GPR137C: variants seen among roughly 807,000 people sequenced by gnomAD.
GPR137C encodes integral membrane protein GPR137C.
Under a neutral mutation model 43.4 loss-of-function variants are expected in GPR137C, and 27 were observed. That is an observed-to-expected ratio of 0.62 (90% CI 0.46 to 0.86). The LOEUF (loss-of-function observed/expected upper bound fraction) is 0.86, where lower values mean the gene tolerates loss of function less well. Among genes scored for constraint, GPR137C ranks in the 40% least tolerant of loss-of-function variants. The pLI is 0.00. For synonymous variants in GPR137C, 285 were observed against 226.9 expected (o/e 1.26, Z -2.30); for missense variants, 522 against 534.6 (o/e 0.98, Z 0.23).
intron 3 of GPR137C, chr14:52,612,448 G>A: frequency 1.0e-6 from 1 of 983,246 alleles, no homozygotes; most frequent in Non-Finnish European, 1.2e-6. Context: ...AATCAGTTTT[G>A]TTTTGCTTTT....
chr14:52,567,255 A>G (rs2038385181), intron 1 of GPR137C, among the ~76,000 whole-genome samples: 1 of 152,206 alleles, frequency 6.6e-6, no homozygotes, highest in Non-Finnish European at 1.5e-5. Flanking sequence ...TACCTACCTC[A>G]TGGGGTTGTG....
chr14:52,566,443 G>C (rs2139447743), intron 1 of GPR137C, among the ~76,000 whole-genome samples: 1 of 152,212 alleles, frequency 6.6e-6, no homozygotes, highest in Middle Eastern at 3.4e-3. Flanking sequence ...TTGTTTCATT[G>C]GTCAGGAGCC....
chr14:52,581,069 G>T (rs1198312360), intron 1 of GPR137C, among the ~76,000 whole-genome samples: 1 of 151,214 alleles, frequency 6.6e-6, no homozygotes, highest in Non-Finnish European at 1.5e-5. Context: ...GGTGGCAGAT[G>T]CCTGTAATCT....
intron 1 of GPR137C, among the ~76,000 whole-genome samples, chr14:52,596,056 T>C (rs1223882975): frequency 1.3e-5 from 2 of 152,234 alleles, no homozygotes; most frequent in Non-Finnish European, 2.9e-5. Flanking sequence ...TTTATTAGTT[T>C]TCCTTCTAAC....
chr14:52,595,187 C>T (rs1341688267), intron 1 of GPR137C, among the ~76,000 whole-genome samples: 5 of 152,156 alleles, frequency 3.3e-5, no homozygotes, highest in Non-Finnish European at 5.9e-5. Context: ...CGAGAGATCC[C>T]CTGTTAGTCT....
At chr14:52,554,467 A>G (rs941710579) in intron 1 of GPR137C, among the ~76,000 whole-genome samples, 7 of 152,240 alleles carry the variant, frequency 4.6e-5, no homozygotes, top group African/African-American at 1.7e-4. Flanking sequence ...GACCCATTTC[A>G]AACAGGTTTG....
chr14:52,574,645 T>G (rs111313835), intron 1 of GPR137C, among the ~76,000 whole-genome samples: 162 of 152,176 alleles, frequency 1.1e-3, no homozygotes, highest in African/African-American at 3.7e-3. Context: ...CAAACCACCA[T>G]GGCACATGTA....
At chr14:52,596,271 C>T (rs574658578) in intron 1 of GPR137C, among the ~76,000 whole-genome samples, 9 of 152,318 alleles carry the variant, frequency 5.9e-5, no homozygotes, top group South Asian at 2.1e-4. Flanking sequence ...TCAGGCTACA[C>T]GGGTCAGGGA....
intron 3 of GPR137C, among the ~76,000 whole-genome samples, chr14:52,624,509 A>G (rs1465506110): frequency 1.3e-5 from 2 of 152,060 alleles, no homozygotes; most frequent in Non-Finnish European, 2.9e-5. Context: ...AGACAGTTTG[A>G]ACTCAGGATT....
chr14:52,561,810 A>G (rs1490203692), intron 1 of GPR137C, among the ~76,000 whole-genome samples: 1 of 152,170 alleles, frequency 6.6e-6, no homozygotes, highest in East Asian at 1.9e-4. Context: ...CTAGTTTCCT[A>G]GGGTCTGGAG....
Position 52,633,675 on chromosome 14 carries a change from A to T in GPR137C, c.993+20A>T. On this transcript the variant is annotated intron_variant, in intron 5 of 6. Coordinates refer to ENST00000321662, the MANE Select transcript of GPR137C (RefSeq NM_001099652.2). ...AATTTGGTATGATATAATATTCCCC[A>T]ATGCCTGTTCTCCTATTTTTAAAAA... The T allele has an allele frequency of 6.2e-7, 1 of 1,610,482 alleles. No homozygotes were observed. Among genetic ancestry groups the T allele is most frequent in the East Asian group, 2.2e-5 (1 of 44,838 alleles).
chr14:52,555,417 C>T (rs1298248086), intron 1 of GPR137C, among the ~76,000 whole-genome samples: 2 of 152,126 alleles, frequency 1.3e-5, no homozygotes, highest in East Asian at 3.8e-4. Flanking sequence ...AAAGCATTTT[C>T]CGTGTCCCAG....
chr14:52,592,055 T>C (rs547818000), intron 1 of GPR137C, among the ~76,000 whole-genome samples: 2 of 152,342 alleles, frequency 1.3e-5, no homozygotes, highest in South Asian at 4.1e-4. Context: ...CTAGCCAGTT[T>C]TCCCAGCACC....
chr14:52,560,543 CT>C (rs1243477036), intron 1 of GPR137C, among the ~76,000 whole-genome samples: 6 of 152,086 alleles, frequency 3.9e-5, no homozygotes, highest in African/African-American at 1.4e-4. Flanking sequence ...GAGTGTAATG[CT>C]GGGGAAAAGA....
intron 3 of GPR137C, among the ~76,000 whole-genome samples, chr14:52,609,284 T>C (rs1217724900): frequency 6.6e-6 from 1 of 152,224 alleles, no homozygotes; most frequent in Non-Finnish European, 1.5e-5. Flanking sequence ...ATCTCTATAT[T>C]AAATTTCTTT....
At chr14:52,568,586 T>C (rs1203354780) in intron 1 of GPR137C, among the ~76,000 whole-genome samples, 2 of 152,074 alleles carry the variant, frequency 1.3e-5, no homozygotes, top group East Asian at 3.9e-4. Flanking sequence ...CAGCGAGACC[T>C]GAGACACTGG....
intron 1 of GPR137C, among the ~76,000 whole-genome samples, chr14:52,588,032 C>T (rs920090804): frequency 6.6e-6 from 1 of 152,172 alleles, no homozygotes; most frequent in South Asian, 2.1e-4. Flanking sequence ...AAGATATTTA[C>T]ATCATCTCTA....
intron 1 of GPR137C, among the ~76,000 whole-genome samples, chr14:52,591,776 G>T (rs184633650): frequency 6.6e-6 from 1 of 152,190 alleles, no homozygotes; most frequent in Non-Finnish European, 1.5e-5. Context: ...TATGTAGGTC[G>T]CCTGTTCACT....
At chr14:52,587,100 A>G (rs1036805107) in intron 1 of GPR137C, among the ~76,000 whole-genome samples, 1 of 152,034 alleles carries the variant, frequency 6.6e-6, no homozygotes, top group Non-Finnish European at 1.5e-5. Context: ...CCCACACACC[A>G]CCACCACACG....
Sources: gnomAD v4.1 joint callset for allele counts (sites outside exome capture counted in the v4.1 genomes callset) on GRCh38, gnomAD v4.1.1 for gene constraint, MANE v1.5 for transcripts, NCBI Gene and HGNC (gene_info 2026-07-23, HGNC 2026-07-21) for gene names.